The following SCNN1B variants were observed in gnomAD, a reference collection of about 807,000 sequenced individuals.
The protein encoded by SCNN1B is epithelial sodium channel subunit beta.
In SCNN1B, 46 loss-of-function variants were observed where a neutral mutation model predicts 65.3. The ratio of observed to expected loss-of-function variants is 0.70; its 90% CI spans 0.56 to 0.90. The LOEUF (loss-of-function observed/expected upper bound fraction) is 0.90, where lower values mean the gene tolerates loss of function less well. Among genes scored for constraint, SCNN1B ranks in the 40% least tolerant of loss-of-function variants. The probability of loss-of-function intolerance (pLI) is 0.00; values close to 1 mark genes in which losing one functional copy is unlikely to be tolerated. For synonymous variants in SCNN1B, 349 were observed against 330.6 expected, an observed-to-expected ratio of 1.06 and a Z score of -0.60; for missense variants, 751 against 830.5, an observed-to-expected ratio of 0.90 and a Z score of 1.18.
chr16:23,325,095 G>A (rs1961665898), intron 1 of SCNN1B, among the ~76,000 whole-genome samples: 1 of 152,150 alleles, frequency 6.6e-6, no homozygotes, highest in Non-Finnish European at 1.5e-5. Flanking sequence ...TCCAGGAAAT[G>A]CAAGCTCTGG....
intron 1 of SCNN1B, among the ~76,000 whole-genome samples, chr16:23,283,125 G>A (rs193014759): frequency 1.7e-4 from 26 of 152,292 alleles, no homozygotes; most frequent in African/African-American, 5.5e-4. Flanking sequence ...GAACACTTAC[G>A]TTAAGCTGGG....
intron 4 of SCNN1B, among the ~76,000 whole-genome samples, chr16:23,366,624 C>T (rs1302618909): frequency 6.6e-6 from 1 of 152,056 alleles, no homozygotes; most frequent in Non-Finnish European, 1.5e-5. Flanking sequence ...ATCCCAGCTA[C>T]TCAGGAGGCT....
intron 1 of SCNN1B, among the ~76,000 whole-genome samples, chr16:23,319,780 T>C (rs1342449220): frequency 1.3e-5 from 2 of 152,118 alleles, no homozygotes; most frequent in Non-Finnish European, 2.9e-5. Flanking sequence ...TTTTTGTTTT[T>C]TTTTTGACAC....
intron 5 of SCNN1B, among the ~76,000 whole-genome samples, chr16:23,368,608 C>A (rs1488944856): frequency 6.6e-6 from 1 of 152,122 alleles, no homozygotes; most frequent in African/African-American, 2.4e-5. Flanking sequence ...CAGAGCAGAG[C>A]ATTTAGTATA....
Position 23,380,935 on chromosome 16 carries a change from A to T in SCNN1B, c.*134A>T. 2.1e-6 allele frequency: 2 copies of T among 968,910 alleles called. No individual in the cohort carries two copies. Among genetic ancestry groups the T allele is most frequent in the Non-Finnish European group, 3.3e-6 (2 of 606,186 alleles). 60.0% of individuals were successfully genotyped at this position (968,910 alleles called of 1,614,324 possible). A position where few individuals can be genotyped will look rare whatever the true frequency, so the allele number is the denominator to read the frequency against. ...CAGGCCAGAGCTTGTGTCCTTCAAC[A>T]GAGAGGCCAGCGGCAACTGGTCCGT... On this transcript the variant is annotated 3_prime_UTR_variant, in exon 13 of 13. Transcript: ENST00000343070. The surrounding 1 kb of genome is among the most constrained non-coding windows in gnomAD (Gnocchi z 5.4).
At chr16:23,377,140 G>A in intron 8 of SCNN1B, 25 bp from the exon 9 acceptor site, 1 of 1,610,178 alleles carries the variant, frequency 6.2e-7, no homozygotes, top group East Asian at 2.2e-5. Context: ...TAAACCTCTT[G>A]GCCGCCTTTC....
intron 1 of SCNN1B, among the ~76,000 whole-genome samples, chr16:23,317,647 G>C (rs1961500563): frequency 6.6e-6 from 1 of 152,164 alleles, no homozygotes; most frequent in South Asian, 2.1e-4. Flanking sequence ...TGTCCCAAAG[G>C]GTTCCCCAGA....
chr16:23,297,385 G>A (rs1248731145), upstream of SCNN1B, among the ~76,000 whole-genome samples: 1 of 152,120 alleles, frequency 6.6e-6, no homozygotes, highest in Non-Finnish European at 1.5e-5. Flanking sequence ...CACCAGAATC[G>A]GCCAGGAGTC....
At chr16:23,280,901 A>G (rs1201282866) in intron 1 of SCNN1B, among the ~76,000 whole-genome samples, 4 of 152,256 alleles carry the variant, frequency 2.6e-5, no homozygotes, top group African/African-American at 9.6e-5. Context: ...GTGCTTAGTA[A>G]TTAATGAGCC....
chr16:23,360,721 G>A (rs778474614), intron 4 of SCNN1B, among the ~76,000 whole-genome samples: 14 of 148,652 alleles, frequency 9.4e-5, no homozygotes, highest in East Asian at 4.1e-4. Context: ...TCAGCCCCCC[G>A]AGTAGCTGGG....
At chr16:23,361,876 C>T (rs944303647) in intron 4 of SCNN1B, among the ~76,000 whole-genome samples, 7 of 152,034 alleles carry the variant, frequency 4.6e-5, no homozygotes, top group East Asian at 1.9e-4. Context: ...ATCGCGTGCC[C>T]GATTAATTTT....
rs146440372 is a variant in SCNN1B at position 23,380,438 on chromosome 16, G to C, written c.1560G>C (p.Ser520=). The part of the protein sequence containing the change: ...SAANNIVWLL[S]NLGGQFGFWM... The stretch of plus-strand genomic sequence containing the variant: ...CCCCACAGATCGTCTGGCTGCTCTC[G>C]AATCTGGGTGGCCAGTTTGGCTTCT... The change falls in exon 13 of 13, where the codon TCG becomes TCC. Residue 520 remains serine, a synonymous_variant. Transcript: ENST00000343070. The surrounding 1 kb of genome is among the most constrained non-coding windows in gnomAD (Gnocchi z 5.4). The C allele has an allele frequency of 1.0e-4, 162 of 1,614,182 alleles. 1 individual carries two copies. In the East Asian group the frequency reaches 3.5e-3, roughly 35 times the overall value.
At chr16:23,292,180 TTTTA>T (rs1205728108) in intron 2 of SCNN1B, among the ~76,000 whole-genome samples, 2 of 150,952 alleles carry the variant, frequency 1.3e-5, no homozygotes, top group Non-Finnish European at 2.9e-5. Context: ...TTTTTATTTA[TTTTA>T]TTTCTTTCTT....
chr16:23,283,165 C>T (rs745477123), intron 1 of SCNN1B, among the ~76,000 whole-genome samples: 22 of 152,228 alleles, frequency 1.4e-4, no homozygotes, highest in Admixed American at 1.3e-4. Context: ...AATCCCAGGA[C>T]GTTGGGAGGC....
intron 1 of SCNN1B, among the ~76,000 whole-genome samples, chr16:23,315,293 C>T (rs1961429766): frequency 6.6e-6 from 1 of 151,938 alleles, no homozygotes; most frequent in South Asian, 2.1e-4. Context: ...GCCAAGATCG[C>T]ACCATTGCAC....
intron 1 of SCNN1B, among the ~76,000 whole-genome samples, chr16:23,333,049 C>T (rs957528978): frequency 8.9e-5 from 13 of 146,182 alleles, no homozygotes; most frequent in African/African-American, 1.3e-4. Flanking sequence ...CCAGCCTGGG[C>T]GACAGAGTGA....
intron 1 of SCNN1B, among the ~76,000 whole-genome samples, chr16:23,333,869 C>T (rs534121456): frequency 4.3e-4 from 66 of 152,306 alleles, no homozygotes; most frequent in Non-Finnish European, 8.1e-4. Flanking sequence ...AACCTATTTA[C>T]GTCATGGATT....
At chr16:23,329,604 A>G (rs190728037) in intron 1 of SCNN1B, among the ~76,000 whole-genome samples, 135 of 152,334 alleles carry the variant, frequency 8.9e-4, no homozygotes, top group African/African-American at 3.0e-3. Context: ...ACAGAGACAC[A>G]GAGATACCAT....
upstream of SCNN1B, among the ~76,000 whole-genome samples, chr16:23,301,549 T>C (rs1429320479): frequency 6.6e-6 from 1 of 151,980 alleles, no homozygotes; most frequent in Non-Finnish European, 1.5e-5. Context: ...AAACTAAGTG[T>C]TAAGGATATT....
Sources: allele counts gnomAD v4.1 joint callset (sites outside exome capture counted in the v4.1 genomes callset), GRCh38; gene constraint gnomAD v4.1.1; non-coding constraint Gnocchi (gnomAD v3.1); transcripts MANE v1.5; gene names NCBI Gene and HGNC (gene_info 2026-07-23, HGNC 2026-07-21).